Variants in NKAIN2 observed in about 807,000 individuals in gnomAD.
NKAIN2 encodes the protein sodium/potassium-transporting ATPase subunit beta-1-interacting protein 2.
A neutral mutation model predicts 32.6 loss-of-function variants in NKAIN2; 14 were observed. That is an observed-to-expected ratio of 0.43 (90% CI 0.28 to 0.67). The LOEUF is 0.67. Ranked by LOEUF, NKAIN2 falls within the 30% of genes least tolerant of loss-of-function variation. NKAIN2 has a pLI of 0.17. For missense variants in NKAIN2, 198 were observed against 258.3 expected (o/e 0.77, Z 1.60); for synonymous variants, 80 against 87.2 (o/e 0.92, Z 0.46).
intron 1 of NKAIN2, among the ~76,000 whole-genome samples, chr6:123,824,986 C>T (rs1247000982): frequency 6.6e-6 from 1 of 152,136 alleles, no homozygotes; most frequent in East Asian, 1.9e-4. Flanking sequence ...GGCATATCAA[C>T]CACAGAAATT....
chr6:124,573,300 C>A (rs1781200646), intron 3 of NKAIN2, among the ~76,000 whole-genome samples: 1 of 152,164 alleles, frequency 6.6e-6, no homozygotes, highest in African/African-American at 2.4e-5. Flanking sequence ...TCCTTCACTA[C>A]TTCCTATTGG....
At chr6:123,991,128 T>C (rs1779391796) in intron 1 of NKAIN2, among the ~76,000 whole-genome samples, 1 of 152,224 alleles carries the variant, frequency 6.6e-6, no homozygotes, top group Admixed American at 6.5e-5. Flanking sequence ...GCAGAGTTTC[T>C]TTTCTTCTTA....
chr6:123,805,302 A>G (rs997295237), intron 1 of NKAIN2, among the ~76,000 whole-genome samples: 3 of 152,262 alleles, frequency 2.0e-5, no homozygotes, highest in African/African-American at 7.2e-5. Flanking sequence ...GTGTCCAATC[A>G]GTAAAGTGTT....
intron 3 of NKAIN2, among the ~76,000 whole-genome samples, chr6:124,516,891 T>C (rs766849592): frequency 6.6e-6 from 1 of 152,188 alleles, no homozygotes; most frequent in African/African-American, 2.4e-5. Context: ...TTTTTGTGAA[T>C]GTTGGGTACG....
At chr6:124,040,666 C>T (rs1781828680) in intron 1 of NKAIN2, among the ~76,000 whole-genome samples, 1 of 151,944 alleles carries the variant, frequency 6.6e-6, no homozygotes, top group Non-Finnish European at 1.5e-5. Context: ...CACCAGATAA[C>T]TATGATATAG....
chr6:124,713,189 T>G (rs1326679175), intron 4 of NKAIN2, among the ~76,000 whole-genome samples: 1 of 152,242 alleles, frequency 6.6e-6, no homozygotes, highest in African/African-American at 2.4e-5. Context: ...TTATGCTTCC[T>G]GTTACATAGA....
At chr6:124,650,354 T>C (rs1278763476) in intron 3 of NKAIN2, among the ~76,000 whole-genome samples, 1 of 152,152 alleles carries the variant, frequency 6.6e-6, no homozygotes, top group Non-Finnish European at 1.5e-5. Context: ...GTACTACCAG[T>C]AAACAGAATT....
rs1793913499 is a variant in NKAIN2 at position 124,256,047 on chromosome 6, ACT to A, written c.55-26953_55-26952del. On this transcript the variant is annotated intron_variant, in intron 1 of 6. Transcript: ENST00000368417. ...TTGATTTTAGACATCCAATTAAATC[ACT>A]CTCTTACAAGGGAAATTACTCCGTG... 2.6e-5 allele frequency among the ~76,000 whole-genome samples: 4 copies of A among 152,202 alleles called. No homozygotes were observed. The South Asian group carries it at 8.3e-4, about 32-fold the overall frequency.
chr6:124,491,059 T>A (rs1172551584), intron 3 of NKAIN2, among the ~76,000 whole-genome samples: 2 of 152,060 alleles, frequency 1.3e-5, no homozygotes, highest in African/African-American at 2.4e-5. Flanking sequence ...TAGATAAATA[T>A]TTCTTCAGAT....
chr6:124,475,082 G>C (rs1329092144), intron 3 of NKAIN2, among the ~76,000 whole-genome samples: 2 of 151,732 alleles, frequency 1.3e-5, no homozygotes, highest in African/African-American at 4.8e-5. Context: ...TCATTCTAGA[G>C]CTAAACTAAG....
intron 1 of NKAIN2, among the ~76,000 whole-genome samples, chr6:123,972,454 A>G (rs1395381148): frequency 2.6e-5 from 4 of 152,242 alleles, no homozygotes; most frequent in African/African-American, 9.6e-5. Flanking sequence ...ATTTACTGAG[A>G]AAACTGGAGA....
intron 3 of NKAIN2, among the ~76,000 whole-genome samples, chr6:124,426,874 T>C (rs1775004294): frequency 6.6e-6 from 1 of 152,158 alleles, no homozygotes; most frequent in Non-Finnish European, 1.5e-5. Context: ...TTCCCTGAAC[T>C]AGCTCTCTTC....
chr6:124,183,268 A>G (rs1484385936), intron 1 of NKAIN2, among the ~76,000 whole-genome samples: 1 of 152,098 alleles, frequency 6.6e-6, no homozygotes, highest in Non-Finnish European at 1.5e-5. Flanking sequence ...TTAGAAGTAA[A>G]TAGGCATTAC....
At position 124,429,116 on chromosome 6, in the gene NKAIN2, C is replaced by T. The variant is rs560591979; in HGVS notation, c.273+73769C>T. 2.4e-4 allele frequency among the ~76,000 whole-genome samples: 37 copies of T among 152,234 alleles called. No individual in the cohort carries two copies. The East Asian group carries it at 7.0e-3, about 29-fold the overall frequency. On this transcript the variant is annotated intron_variant, in intron 3 of 6. Transcript: ENST00000368417. ...GCAATGGTGGGATCTCTGCTCACTG[C>T]AACCTCTGCCTGTTGGGTTCAAGCA... is the stretch of plus-strand genomic sequence containing the variant.
At chr6:124,370,469 A>C (rs1438074512) in intron 3 of NKAIN2, among the ~76,000 whole-genome samples, 1 of 152,122 alleles carries the variant, frequency 6.6e-6, no homozygotes, top group African/African-American at 2.4e-5. Flanking sequence ...TTTCTTCATT[A>C]GCACATGCAA....
At chr6:124,573,391 T>C (rs564529982) in intron 3 of NKAIN2, among the ~76,000 whole-genome samples, 4 of 152,220 alleles carry the variant, frequency 2.6e-5, no homozygotes, top group African/African-American at 9.6e-5. Flanking sequence ...GACCTGCTGA[T>C]TCCCTCTCTC....
At chr6:124,147,962 G>A (rs1387637923) in intron 1 of NKAIN2, among the ~76,000 whole-genome samples, 4 of 152,028 alleles carry the variant, frequency 2.6e-5, no homozygotes, top group Non-Finnish European at 5.9e-5. Context: ...CCTGGTCATG[G>A]CTTTTCTTCT....
intron 2 of NKAIN2, among the ~76,000 whole-genome samples, chr6:124,314,146 A>G (rs368119027): frequency 6.6e-6 from 1 of 152,050 alleles, no homozygotes; most frequent in African/African-American, 2.4e-5. Context: ...TAGAATATGA[A>G]GTGCTTTCTG....
chr6:124,624,182 T>TAATC (rs1410702895), intron 3 of NKAIN2, among the ~76,000 whole-genome samples: 3 of 152,152 alleles, frequency 2.0e-5, no homozygotes, highest in Admixed American at 1.3e-4. Context: ...GGATCAGAAG[T>TAATC]AATCAGTCAG....
Sources: allele counts gnomAD v4.1 joint callset (sites outside exome capture counted in the v4.1 genomes callset), GRCh38; gene constraint gnomAD v4.1.1; transcripts MANE v1.5; gene names NCBI Gene and HGNC (gene_info 2026-07-23, HGNC 2026-07-21).